Variants in KHDRBS1 observed in about 807,000 individuals in gnomAD.
KHDRBS1 encodes the protein KH domain-containing, RNA-binding, signal transduction-associated protein 1.
Under a neutral mutation model 48.4 loss-of-function variants are expected in KHDRBS1, and 7 were observed. The observed-to-expected ratio is 0.14, with a 90% confidence interval of 0.08 to 0.27. KHDRBS1 has a LOEUF of 0.27. Ranked by LOEUF, KHDRBS1 falls within the 10% of genes least tolerant of loss-of-function variation. The probability of loss-of-function intolerance (pLI) is 1.00; values close to 1 mark genes in which losing one functional copy is unlikely to be tolerated. For missense variants in KHDRBS1, 458 were observed against 601.2 expected (o/e 0.76, Z 2.49); for synonymous variants, 241 against 235.8 (o/e 1.02, Z -0.20).
At chr1:32,022,222 AG>A (rs1569771898) in intron 1 of KHDRBS1, among the ~76,000 whole-genome samples, 1 of 151,210 alleles carries the variant, frequency 6.6e-6, no homozygotes, top group East Asian at 2.0e-4. Flanking sequence ...CATGTTGGCC[AG>A]GATAGTCTCG....
At position 32,014,258 on chromosome 1, in the gene KHDRBS1, C is replaced by A; in HGVS notation, c.263C>A (p.Pro88His). Residue 88 changes from proline to histidine, a missense_variant, in exon 1 of 9, where the codon CCC becomes CAC. By Grantham distance (77) the Pro-to-His change is moderately conservative (BLOSUM62 -2). Transcript: ENST00000327300. Reference protein sequence around the residue: ...VGGPAPTPLLPPSATASVKME... With the variant: ...VGGPAPTPLLHPSATASVKME... The stretch of plus-strand genomic sequence containing the variant: ...GGGCCAGCGCCGACCCCGCTGCTGC[C>A]CCCCTCGGCCACAGCCTCGGTCAAG... 1 of 1,540,958 alleles carries A rather than the reference C, an allele frequency of 6.5e-7. No individual in the cohort carries two copies. Among genetic ancestry groups the A allele is most frequent in the South Asian group, 1.2e-5 (1 of 82,776 alleles).
chr1:32,014,980 C>A (rs757863399), intron 1 of KHDRBS1, among the ~76,000 whole-genome samples: 3 of 152,182 alleles, frequency 2.0e-5, no homozygotes, highest in Non-Finnish European at 4.4e-5. Context: ...AATCAGATTT[C>A]CGACTAAGGC....
At chr1:32,057,690 T>C (rs1236149365) in intron 10 of KHDRBS1, among the ~76,000 whole-genome samples, 1 of 150,706 alleles carries the variant, frequency 6.6e-6, no homozygotes, top group African/African-American at 2.4e-5. Context: ...TCCCAGCTAC[T>C]CGGGAGGCTG....
At chr1:32,034,039 T>C (rs757678164) in intron 4 of KHDRBS1, among the ~76,000 whole-genome samples, 4 of 152,230 alleles carry the variant, frequency 2.6e-5, no homozygotes, top group Non-Finnish European at 4.4e-5. Context: ...TAGCAAGGCC[T>C]GGTGGTTGTC....
chr1:32,014,094 G>A lies in KHDRBS1; in HGVS notation c.99G>A (p.Thr33=). ...PSGAHPSVRQ[T]PSRQPPLPHR... The stretch of plus-strand genomic sequence containing the variant: ...GTGCCCACCCCTCGGTGCGTCAGAC[G>A]CCGTCTCGGCAGCCGCCGCTGCCTC... Residue 33 remains threonine, a synonymous_variant, in exon 1 of 9, where the codon ACG becomes ACA. Coordinates refer to ENST00000327300, the MANE Select transcript of KHDRBS1 (RefSeq NM_006559.3). 3 of 1,448,040 alleles carry A rather than the reference G, an allele frequency of 2.1e-6. No individual in the cohort carries two copies. Among genetic ancestry groups the A allele is most frequent in the Non-Finnish European group, 2.7e-6 (3 of 1,103,576 alleles). The allele number at this position is 1,448,040 out of a possible 1,614,324, so 89.7% of individuals were successfully genotyped here. A position where few individuals can be genotyped will look rare whatever the true frequency, so the allele number is the denominator to read the frequency against.
downstream of KHDRBS1, chr1:32,043,993 A>G (rs1440241632): frequency 6.6e-6 from 1 of 152,440 alleles, no homozygotes; most frequent in Non-Finnish European, 1.5e-5. Context: ...AACATTCTTA[A>G]AAGTGGTGGG....
chr1:32,040,454 A>G (rs1408903277), intron 8 of KHDRBS1, among the ~76,000 whole-genome samples: 1 of 152,100 alleles, frequency 6.6e-6, no homozygotes, highest in East Asian at 1.9e-4. Flanking sequence ...TAGAGGCTGT[A>G]GGGGCTAGAG....
intron 4 of KHDRBS1, among the ~76,000 whole-genome samples, chr1:32,034,372 G>C (rs1231636634): frequency 6.6e-6 from 1 of 151,988 alleles, no homozygotes; most frequent in East Asian, 1.9e-4. Context: ...AGACCAGCCT[G>C]ACCAACATGG....
chr1:32,036,198 GTC>G (rs1639175329), intron 4 of KHDRBS1, among the ~76,000 whole-genome samples: 1 of 109,834 alleles, frequency 9.1e-6, no homozygotes, highest in Non-Finnish European at 1.7e-5. Flanking sequence ...TTGAGATGGA[GTC>G]TCTCTCTTTC....
In KHDRBS1 at chr1:32,034,570, T is replaced by A. The variant is rs1379984043; in HGVS notation, c.771+1236T>A. 3.9e-5 allele frequency among the ~76,000 whole-genome samples: 6 copies of A among 151,930 alleles called. No individual in the cohort carries two copies. In the South Asian group the frequency reaches 1.0e-3, roughly 26 times the overall value. On this transcript the variant is annotated intron_variant, in intron 4 of 8. Coordinates refer to ENST00000327300, the MANE Select transcript of KHDRBS1 (RefSeq NM_006559.3). Reference sequence around the variant, plus strand: ...AGTGAAACTCCATCTCCAAAAAAAATAAATAAATAAGTTTTTAGGCATTGT... The same window carrying A: ...AGTGAAACTCCATCTCCAAAAAAAAAAAATAAATAAGTTTTTAGGCATTGT...
At chr1:32,020,441 A>C in intron 1 of KHDRBS1, among the ~76,000 whole-genome samples, 1 of 151,386 alleles carries the variant, frequency 6.6e-6, no homozygotes, top group East Asian at 1.9e-4. Flanking sequence ...AAACGTGCTT[A>C]CCGTATCGTT....
At chr1:32,019,346 T>C (rs1316958427) in intron 1 of KHDRBS1, among the ~76,000 whole-genome samples, 1 of 151,932 alleles carries the variant, frequency 6.6e-6, no homozygotes, top group Non-Finnish European at 1.5e-5. Context: ...GGTCAGGAGT[T>C]TAAGACCAGC....
intron 8 of KHDRBS1, 137 bp from the exon 9 acceptor site, chr1:32,042,390 C>G (rs573348464): frequency 8.1e-6 from 5 of 620,554 alleles, no homozygotes; most frequent in Non-Finnish European, 1.4e-5. Context: ...AAGTAGAGAG[C>G]AAGGAACACC....
chr1:32,046,316 C>T (rs1428475900), downstream of KHDRBS1, among the ~76,000 whole-genome samples: 1 of 152,062 alleles, frequency 6.6e-6, no homozygotes, highest in South Asian at 2.1e-4. Context: ...TGGGTTCAAG[C>T]AATTCTCCTG....
intron 4 of KHDRBS1, 97 bp from the exon 5 acceptor site, chr1:32,036,811 CAA>C (rs776202669): frequency 7.4e-7 from 1 of 1,343,812 alleles, no homozygotes; most frequent in Non-Finnish European, 1.0e-6. Flanking sequence ...TCTGGGCTCT[CAA>C]GAGCTCTTCT....
downstream of KHDRBS1, among the ~76,000 whole-genome samples, chr1:32,047,821 AAAAAC>A (rs1639374973): frequency 1.3e-5 from 2 of 152,178 alleles, no homozygotes; most frequent in African/African-American, 4.8e-5. Context: ...CCATCACTCT[AAAAAC>A]AAATCTTATA....
In KHDRBS1 at chr1:32,030,369, A is replaced by G. The variant is rs768027370; in HGVS notation, c.454A>G (p.Lys152Glu). The G allele has an allele frequency of 6.2e-7, 1 of 1,612,842 alleles. No homozygotes were observed. Among genetic ancestry groups the G allele is most frequent in the South Asian group, 1.1e-5 (1 of 90,896 alleles). ...EENYLDLFSH[K>E]NMKLKERVLI... ...GAATTACTTGGATTTATTTTCTCAT[A>G]AGAACATGAAACTGAAAGAGCGAGT... is the stretch of plus-strand genomic sequence containing the variant. The change falls in exon 2 of 9, where the codon AAG (lysine) becomes GAG (glutamate). Residue 152 changes from lysine (K) to glutamate (E), a missense_variant. Physicochemically the swap from Lys to Glu is moderately conservative, Grantham distance 56 (BLOSUM62 1). Coordinates refer to ENST00000327300, the MANE Select transcript of KHDRBS1 (RefSeq NM_006559.3).
intron 2 of KHDRBS1, among the ~76,000 whole-genome samples, chr1:32,031,004 T>C (rs936223091): frequency 6.6e-6 from 1 of 152,196 alleles, no homozygotes; most frequent in Non-Finnish European, 1.5e-5. Context: ...ATGCCAGCAC[T>C]TTGGGAGGCC....
chr1:32,048,755 C>T (rs1057432475), downstream of KHDRBS1, among the ~76,000 whole-genome samples: 1 of 152,016 alleles, frequency 6.6e-6, no homozygotes, highest in Non-Finnish European at 1.5e-5. Context: ...GTGTATAATT[C>T]AGTGGTTTTT....
Sources: gnomAD v4.1 joint callset for allele counts (sites outside exome capture counted in the v4.1 genomes callset) on GRCh38, gnomAD v4.1.1 for gene constraint, MANE v1.5 for transcripts, NCBI Gene and HGNC (gene_info 2026-07-23, HGNC 2026-07-21) for gene names.